Variants in EPB41L1 observed in about 807,000 individuals in gnomAD.
EPB41L1 encodes band 4.1-like protein 1.
A neutral mutation model predicts 97.8 loss-of-function variants in EPB41L1; 29 were observed. The ratio of observed to expected loss-of-function variants is 0.30; its 90% CI spans 0.22 to 0.40. The LOEUF (loss-of-function observed/expected upper bound fraction) is 0.40. Among genes scored for constraint, EPB41L1 ranks in the 10% least tolerant of loss-of-function variants. The pLI is 1.00. For synonymous variants in EPB41L1, 383 were observed against 459.2 expected, an observed-to-expected ratio of 0.83 and a Z score of 2.12; for missense variants, 812 against 1,162.3, an observed-to-expected ratio of 0.70 and a Z score of 4.38.
At chr20:36,121,813 A>G (rs1202253227) in intron 2 of EPB41L1, 1 of 152,208 alleles carries the variant, frequency 6.6e-6, no homozygotes, top group Non-Finnish European at 1.5e-5. Flanking sequence ...GACCCCATAC[A>G]CTGGTGGGTG....
chr20:36,154,991 G>A lies in EPB41L1; in HGVS notation c.-15+95G>A. On this transcript the variant is annotated intron_variant, in intron 1 of 21. Transcript: ENST00000338074. The surrounding 1 kb of genome is among the most constrained non-coding windows in gnomAD (Gnocchi z 5.5). Reference sequence around the variant, plus strand: ...CCTGGGGAGGAACGGGGGCGAGGCCGAGAACTGAGTTTTCAGGCTGTTGGT... The same window carrying A: ...CCTGGGGAGGAACGGGGGCGAGGCCAAGAACTGAGTTTTCAGGCTGTTGGT... The A allele has an allele frequency of 1.8e-6, 2 of 1,098,172 alleles. No homozygotes were observed. Among genetic ancestry groups the A allele is most frequent in the Non-Finnish European group, 2.3e-6 (2 of 855,570 alleles). The allele number at this position is 1,098,172 out of a possible 1,614,324, so 68.0% of individuals were successfully genotyped here. A position where few individuals can be genotyped will look rare whatever the true frequency, so the allele number is the denominator to read the frequency against.
chr20:36,170,017 G>A (rs2060919858), intron 1 of EPB41L1, among the ~76,000 whole-genome samples: 1 of 152,216 alleles, frequency 6.6e-6, no homozygotes, highest in Non-Finnish European at 1.5e-5. Context: ...CCTGGGCCTG[G>A]GCAGAACCAT....
intron 2 of EPB41L1, among the ~76,000 whole-genome samples, chr20:36,132,569 G>GA: frequency 1.5e-5 from 1 of 67,924 alleles, no homozygotes; most frequent in East Asian, 3.7e-4. Flanking sequence ...TTTGTGGGCG[G>GA]GGGGGGGGGG....
intron 2 of EPB41L1, among the ~76,000 whole-genome samples, chr20:36,131,772 T>G (rs1393378985): frequency 1.3e-5 from 2 of 152,168 alleles, no homozygotes; most frequent in East Asian, 3.9e-4. Flanking sequence ...GAGGCCAGAA[T>G]CAGGCTTCCT....
At chr20:36,169,001 G>A (rs2060858941) in intron 1 of EPB41L1, among the ~76,000 whole-genome samples, 1 of 151,680 alleles carries the variant, frequency 6.6e-6, no homozygotes, top group African/African-American at 2.4e-5. Flanking sequence ...GCCAAGGCGG[G>A]TGGATCACAA....
chr20:36,120,230 A>C (rs2058709616), intron 2 of EPB41L1, among the ~76,000 whole-genome samples: 1 of 152,360 alleles, frequency 6.6e-6, no homozygotes, highest in African/African-American at 2.4e-5. Flanking sequence ...GAAATGGGTT[A>C]TAGTATAATC....
chr20:36,214,308 G>A, intron 16 of EPB41L1, 49 bp from the exon 17 acceptor site: 1 of 1,484,282 alleles, frequency 6.7e-7, no homozygotes, highest in Non-Finnish European at 9.4e-7. Flanking sequence ...GACAGATGCT[G>A]CAGGTATACC....
At position 36,219,102 on chromosome 20, in the gene EPB41L1, T is replaced by C. The variant is rs909852691; in HGVS notation, c.2355+140T>C. On this transcript the variant is annotated intron_variant, in intron 18 of 21. Coordinates refer to ENST00000338074, the MANE Select transcript of EPB41L1 (RefSeq NM_012156.2). ...GCAAAGCCAGGAAACTGGACCCTTT[T>C]CAGATGCCCACAGGGCTCCCTGGTG... 3 of 890,984 alleles carry C rather than the reference T, an allele frequency of 3.4e-6. No homozygotes were observed. In the South Asian group the frequency reaches 4.3e-5, roughly 13 times the overall value. The allele number at this position is 890,984 out of a possible 1,614,324, so 55.2% of individuals were successfully genotyped here.
intron 2 of EPB41L1, among the ~76,000 whole-genome samples, chr20:36,138,835 C>T (rs575167782): frequency 6.6e-5 from 10 of 152,274 alleles, no homozygotes; most frequent in African/African-American, 1.9e-4. Flanking sequence ...CTCCCAGTGG[C>T]CTCTCTCTCC....
chr20:36,110,225 G>A (rs2058345522), intron 1 of EPB41L1, among the ~76,000 whole-genome samples: 1 of 152,318 alleles, frequency 6.6e-6, no homozygotes, highest in East Asian at 1.9e-4. Context: ...ACAGGCATAA[G>A]CCACCATGCC....
intron 2 of EPB41L1, among the ~76,000 whole-genome samples, chr20:36,121,049 T>C (rs1198812735): frequency 1.4e-5 from 2 of 145,214 alleles, no homozygotes; most frequent in African/African-American, 5.1e-5. Context: ...CAATGTACAA[T>C]GTGAACGCAT....
At chr20:36,164,055 G>A (rs896175910) in intron 1 of EPB41L1, among the ~76,000 whole-genome samples, 1 of 152,140 alleles carries the variant, frequency 6.6e-6, no homozygotes, top group Non-Finnish European at 1.5e-5. Context: ...TGTTGGCCAG[G>A]CTGGTCTCAA....
chr20:36,115,699 C>G (rs2058561242), intron 2 of EPB41L1, among the ~76,000 whole-genome samples: 1 of 152,142 alleles, frequency 6.6e-6, no homozygotes, highest in South Asian at 2.1e-4. Context: ...TGAGACTAGT[C>G]TGACCAACAT....
chr20:36,205,914 A>T, intron 14 of EPB41L1: 1 of 1,289,882 alleles, frequency 7.8e-7, no homozygotes, highest in Non-Finnish European at 1.0e-6. Flanking sequence ...GTCTCCTAAA[A>T]GTGACCACCA....
rs551377329 is a variant in EPB41L1 at position 36,209,150 on chromosome 20, G to A, written c.1669-338G>A. Among the ~76,000 whole-genome samples, 21 of 152,078 alleles carry A rather than the reference G, an allele frequency of 1.4e-4. No homozygotes were observed. The highest frequency in any genetic ancestry group is 6.8e-3 in the Middle Eastern group (2 of 294). ...GTCCGGGCTTCCATCCCTGCCTTTCGTGCAATGCTGCTTCCAATAAGCTCC... is the reference window on the plus strand; with the variant it reads ...GTCCGGGCTTCCATCCCTGCCTTTCATGCAATGCTGCTTCCAATAAGCTCC... On this transcript the variant is annotated intron_variant, in intron 14 of 21. Transcript: ENST00000338074. This position sits in a 1 kb window ranked among gnomAD's most constrained non-coding sequence, Gnocchi z 4.2.
intron 18 of EPB41L1, among the ~76,000 whole-genome samples, chr20:36,219,352 G>A (rs1042382596): frequency 6.6e-6 from 1 of 152,196 alleles, no homozygotes; most frequent in Non-Finnish European, 1.5e-5. Context: ...GTCTGTCACT[G>A]TAGGGTCTCT....
At chr20:36,095,392 G>T (rs2057795720) in intron 1 of EPB41L1, among the ~76,000 whole-genome samples, 1 of 152,240 alleles carries the variant, frequency 6.6e-6, no homozygotes, top group African/African-American at 2.4e-5. Flanking sequence ...ACAGGCATGA[G>T]CCGCTGCGCC....
intron 9 of EPB41L1, 126 bp downstream of exon 9, chr20:36,188,625 CACACACACACACACACAGAGAGAGAG>C: frequency 2.9e-6 from 2 of 686,924 alleles, no homozygotes; most frequent in African/African-American, 2.2e-5. Flanking sequence ...CACACACACA[CACACACACACACACACAGAGAGAGAG>C]AGAGAGAGAG....
At position 36,185,230 on chromosome 20, in the gene EPB41L1, A is replaced by G; in HGVS notation, c.680A>G (p.Tyr227Cys). ...GCTGTGCAGGCTGAGCTGGGTGACT[A>G]TGATGCTGAGGAGCATGTGGGCAAC... ...SYAVQAELGD[Y>C]DAEEHVGNYV... The change falls in exon 7 of 22, where the codon TAT becomes TGT. Residue 227 changes from tyrosine to cysteine, a missense_variant. Transcript: ENST00000338074. 1.9e-6 allele frequency: 3 copies of G among 1,613,924 alleles called. No homozygotes were observed. The highest frequency in any genetic ancestry group is 2.2e-5 in the East Asian group (1 of 44,886).
Sources: gnomAD v4.1 joint callset for allele counts (sites outside exome capture counted in the v4.1 genomes callset) on GRCh38, gnomAD v4.1.1 for gene constraint, Gnocchi (gnomAD v3.1) non-coding constraint, MANE v1.5 for transcripts, NCBI Gene and HGNC (gene_info 2026-07-23, HGNC 2026-07-21) for gene names.